Variants in NCAM2 observed in about 807,000 individuals in gnomAD.
NCAM2 encodes the protein N-CAM-2.
In NCAM2, 30 loss-of-function variants were observed where a neutral mutation model predicts 98.1. That is an observed-to-expected ratio of 0.31 (90% CI 0.23 to 0.41). NCAM2 has a LOEUF of 0.41. NCAM2 is among the 10% of genes least tolerant of loss of function. The probability of loss-of-function intolerance (pLI) is 1.00; values close to 1 mark genes in which losing one functional copy is unlikely to be tolerated. For missense variants in NCAM2, 867 were observed against 1,005.8 expected (o/e 0.86, Z 1.87); for synonymous variants, 368 against 342.4 (o/e 1.07, Z -0.83).
At chr21:21,450,585 C>G (rs932419779) in intron 12 of NCAM2, among the ~76,000 whole-genome samples, 3 of 152,024 alleles carry the variant, frequency 2.0e-5, no homozygotes, top group African/African-American at 7.2e-5. Context: ...TTGCCTCAGC[C>G]TCCCAAATCA....
Position 21,036,947 on chromosome 21 carries a change from T to C in NCAM2, c.55+38329T>C, listed in dbSNP as rs113754200. On this transcript the variant is annotated intron_variant, in intron 1 of 17. Coordinates refer to ENST00000400546, the MANE Select transcript of NCAM2 (RefSeq NM_004540.5). ...ATAGGTTTTTCTCTACAGAAGCAAA[T>C]CTCCTGCACAAATGGCAGCTTTTCA... is the stretch of plus-strand genomic sequence containing the variant. Among the ~76,000 whole-genome samples the C allele has an allele frequency of 2.6e-5, 4 of 152,218 alleles. 1 individual carries two copies. Among genetic ancestry groups the C allele is most frequent in the African/African-American group, 9.6e-5 (4 of 41,510 alleles).
chr21:21,534,768 C>G, intron 17 of NCAM2, 112 bp downstream of exon 17: 2 of 1,084,478 alleles, frequency 1.8e-6, no homozygotes, highest in South Asian at 4.0e-5. Context: ...AAGAATTGTG[C>G]TTTTACTTTT....
chr21:21,132,804 A>G (rs1331092290), intron 1 of NCAM2, among the ~76,000 whole-genome samples: 1 of 120,614 alleles, frequency 8.3e-6, no homozygotes, highest in East Asian at 2.4e-4. Flanking sequence ...AACATAATGA[A>G]TATTTTTTAA....
intron 16 of NCAM2, among the ~76,000 whole-genome samples, chr21:21,509,605 C>T (rs1988233162): frequency 6.6e-6 from 1 of 152,038 alleles, no homozygotes; most frequent in Non-Finnish European, 1.5e-5. Flanking sequence ...AAGTTGATTA[C>T]TTGTTAGAAT....
intron 1 of NCAM2, among the ~76,000 whole-genome samples, chr21:21,169,111 TAG>T (rs1186248567): frequency 2.0e-5 from 3 of 151,832 alleles, no homozygotes; most frequent in African/African-American, 7.3e-5. Context: ...TGAAACCGAG[TAG>T]AGATTCCAGA....
At chr21:21,147,216 C>T (rs943038998) in intron 1 of NCAM2, 3 of 985,288 alleles carry the variant, frequency 3.0e-6, no homozygotes, top group African/African-American at 3.5e-5. Flanking sequence ...TCTGCCTCCG[C>T]AGTTCTTAGT....
chr21:21,081,538 C>T (rs756502606), intron 1 of NCAM2, among the ~76,000 whole-genome samples: 20 of 152,082 alleles, frequency 1.3e-4, no homozygotes, highest in Non-Finnish European at 1.6e-4. Flanking sequence ...TGGTGGCTCA[C>T]GCCTGTAATC....
chr21:21,158,527 C>T (rs1397051784), intron 1 of NCAM2, among the ~76,000 whole-genome samples: 1 of 151,962 alleles, frequency 6.6e-6, no homozygotes, highest in East Asian at 1.9e-4. Flanking sequence ...ATCGCTTGAA[C>T]CCAAGAGGTG....
At chr21:21,248,119 T>C (rs927777669) in intron 1 of NCAM2, among the ~76,000 whole-genome samples, 1 of 14,232 alleles carries the variant, frequency 7.0e-5, no homozygotes, top group African/African-American at 7.4e-5. Context: ...ACTCTACATG[T>C]ATATGGAATT....
chr21:21,263,616 A>T (rs555226493), intron 1 of NCAM2, among the ~76,000 whole-genome samples: 1 of 152,160 alleles, frequency 6.6e-6, no homozygotes, highest in African/African-American at 2.4e-5. Flanking sequence ...CTATACCACA[A>T]GAATATATAA....
intron 1 of NCAM2, among the ~76,000 whole-genome samples, chr21:21,217,854 G>A (rs944527171): frequency 2.6e-5 from 4 of 152,156 alleles, no homozygotes; most frequent in South Asian, 2.1e-4. Flanking sequence ...CATTGAAGAC[G>A]GGACCGAAAA....
At chr21:21,114,161 T>C (rs1188694534) in intron 1 of NCAM2, among the ~76,000 whole-genome samples, 1 of 152,212 alleles carries the variant, frequency 6.6e-6, no homozygotes, top group African/African-American at 2.4e-5. Flanking sequence ...ATTTTGAGTA[T>C]GCTTTTTAAC....
rs529374430 is a variant in NCAM2 at position 21,486,620 on chromosome 21, C to T, written c.2077+9149C>T. 2.6e-5 allele frequency among the ~76,000 whole-genome samples: 4 copies of T among 152,218 alleles called. No individual in the cohort carries two copies. In the South Asian group the frequency reaches 8.3e-4, roughly 32 times the overall value. The stretch of plus-strand genomic sequence containing the variant: ...CTTGATCTTTCCAATAAATTAGAGA[C>T]ATTTCTGTGAGAATTTCATGTAGAA... On this transcript the variant is annotated intron_variant, in intron 15 of 17. Transcript: ENST00000400546.
At chr21:21,179,065 G>A (rs1178188307) in intron 1 of NCAM2, among the ~76,000 whole-genome samples, 1 of 152,086 alleles carries the variant, frequency 6.6e-6, no homozygotes, top group African/African-American at 2.4e-5. Flanking sequence ...TTTCAGAGCT[G>A]CCTCTGAACT....
rs75355038 is a variant in NCAM2 at position 21,480,475 on chromosome 21, A to G, written c.2077+3004A>G. On this transcript the variant is annotated intron_variant, in intron 15 of 17. Transcript: ENST00000400546. ...ATGAACTTTCCAGGGAAAATGTGTG[A>G]CGTGGAAGGTATCTCTGGGACAAGA... is the stretch of plus-strand genomic sequence containing the variant. 5.2e-3 allele frequency among the ~76,000 whole-genome samples: 784 copies of G among 152,106 alleles called. 4 individuals are homozygous for G. Among genetic ancestry groups the G allele is most frequent in the Middle Eastern group, 0.027 (8 of 292 alleles).
chr21:21,214,610 C>T (rs1050979953), intron 1 of NCAM2, among the ~76,000 whole-genome samples: 13 of 151,218 alleles, frequency 8.6e-5, no homozygotes, highest in African/African-American at 3.2e-4. Context: ...GTTTTAGACC[C>T]TCAAATATAT....
In NCAM2 at chr21:21,077,512, G is replaced by A. The variant is rs149137905; in HGVS notation, c.55+78894G>A. ...AATGAGGCCCACAGTGTAACATTTC[G>A]TAAATGAGAATGCCCATATGTAACA... is the stretch of plus-strand genomic sequence containing the variant. On this transcript the variant is annotated intron_variant, in intron 1 of 17. Transcript: ENST00000400546. Among the ~76,000 whole-genome samples the A allele has an allele frequency of 4.0e-4, 61 of 152,200 alleles. 1 individual carries two copies. The East Asian group carries it at 9.1e-3, about 23-fold the overall frequency.
chr21:21,124,402 A>G (rs1408472399), intron 1 of NCAM2, among the ~76,000 whole-genome samples: 1 of 152,202 alleles, frequency 6.6e-6, no homozygotes, highest in Non-Finnish European at 1.5e-5. Context: ...AAGAAATATC[A>G]AGAGCATTTT....
At chr21:21,238,473 A>G (rs1195753717) in intron 1 of NCAM2, among the ~76,000 whole-genome samples, 1 of 152,230 alleles carries the variant, frequency 6.6e-6, no homozygotes, top group East Asian at 1.9e-4. Context: ...TGGAAATTAC[A>G]GAAGCCCAAA....
Sources: gnomAD v4.1 joint callset for allele counts (sites outside exome capture counted in the v4.1 genomes callset) on GRCh38, gnomAD v4.1.1 for gene constraint, MANE v1.5 for transcripts, NCBI Gene and HGNC (gene_info 2026-07-23, HGNC 2026-07-21) for gene names.